Variants in ECE2 observed in about 807,000 individuals in gnomAD.
ECE2 encodes endothelin converting enzyme 2.
ECE2 carries 81 observed loss-of-function variants against 100.6 expected under a neutral mutation model. The ratio of observed to expected loss-of-function variants is 0.81; its 90% CI spans 0.67 to 0.97. ECE2 has a LOEUF of 0.97. Among genes scored for constraint, ECE2 ranks in the 50% least tolerant of loss-of-function variants. ECE2 has a pLI of 0.00. For missense variants in ECE2, 911 were observed against 988.1 expected (o/e 0.92, Z 1.05); for synonymous variants, 391 against 391.5 (o/e 1.00, Z 0.02).
At chr3:184,290,758 C>A in intron 15 of ECE2, 35 bp from the exon 16 acceptor site, 1 of 1,613,500 alleles carries the variant, frequency 6.2e-7, no homozygotes, top group South Asian at 1.1e-5. Context: ...GAAGTACCCC[C>A]GCCATGTCCT....
At chr3:184,287,353 C>G (rs1721103005) in intron 10 of ECE2, among the ~76,000 whole-genome samples, 1 of 151,276 alleles carries the variant, frequency 6.6e-6, no homozygotes, top group Non-Finnish European at 1.5e-5. Flanking sequence ...ATGGAGGAAG[C>G]TGAGTGACTC....
intron 1 of ECE2, 66 bp downstream of exon 1, chr3:184,276,258 C>A (rs1720542455): frequency 2.1e-6 from 3 of 1,432,644 alleles, no homozygotes; most frequent in Non-Finnish European, 2.7e-6. Context: ...GAGGGGTCGG[C>A]CGCGGAGGGG....
intron 11 of ECE2, among the ~76,000 whole-genome samples, chr3:184,288,354 G>T (rs1721163278): frequency 6.6e-6 from 1 of 151,354 alleles, no homozygotes; most frequent in African/African-American, 2.4e-5. Context: ...AAAACAACTG[G>T]ATGTAAATTG....
intron 3 of ECE2, 79 bp downstream of exon 3, chr3:184,277,106 T>C: frequency 6.2e-7 from 1 of 1,603,498 alleles, no homozygotes; most frequent in Non-Finnish European, 8.5e-7. Context: ...TTTTCACTTG[T>C]GGGAACCAAG....
rs1687233 is a variant in ECE2, at chr3:184,285,206, C to T, written c.1148+101C>T. ...CCACACAGAACAACATTTGGTAATG[C>T]TATGGGCCTTCCAAACATTGAATCA... is the stretch of plus-strand genomic sequence containing the variant. On this transcript the variant is annotated intron_variant, in intron 9 of 18. Coordinates refer to ENST00000404464, the MANE Select transcript of ECE2 (RefSeq NM_001100121.2). The T allele has an allele frequency of 2.8e-6, 4 of 1,450,712 alleles. No individual in the cohort carries two copies. The East Asian group carries it at 9.1e-5, about 33-fold the overall frequency. The allele number at this position is 1,450,712 out of a possible 1,614,324, so 89.9% of individuals were successfully genotyped here.
In ECE2 at chr3:184,289,589, G is replaced by C; in HGVS notation, c.1474-52G>C. The C allele has an allele frequency of 6.2e-7, 1 of 1,613,592 alleles. No homozygotes were observed. Among genetic ancestry groups the C allele is most frequent in the Non-Finnish European group, 8.5e-7 (1 of 1,179,506 alleles). On this transcript the variant is annotated intron_variant, in intron 12 of 18. Transcript: ENST00000404464. The surrounding 1 kb of genome is among the most constrained non-coding windows in gnomAD (Gnocchi z 4.1). Reference sequence around the variant, plus strand: ...TCTTGAGGTGGGGTTCAAGGATACAGTTTTGCTAGGAACCTGGGGAAGGAA... The same window carrying C: ...TCTTGAGGTGGGGTTCAAGGATACACTTTTGCTAGGAACCTGGGGAAGGAA...
rs745882263 is a variant in ECE2, at chr3:184,276,559, G to T, written c.118G>T (p.Ala40Ser). ...TPVEGGASPD[A>S]MEVGFQKGTR... ...CGTAGAGGGCGGGGCCTCCCCGGAC[G>T]CCATGGAGGTGGGCAAGGGGGCTTC... Residue 40 changes from alanine to serine, a missense_variant, in exon 2 of 19, where the codon GCC (alanine) becomes TCC (serine). Transcript: ENST00000404464. 1.2e-6 allele frequency: 2 copies of T among 1,610,098 alleles called. No individual in the cohort carries two copies. Among genetic ancestry groups the T allele is most frequent in the East Asian group, 4.5e-5 (2 of 44,774 alleles).
At position 184,289,910 on chromosome 3, in the gene ECE2, T is replaced by A. The variant is rs1346785866; in HGVS notation, c.1551+192T>A. On this transcript the variant is annotated intron_variant, in intron 13 of 18. Transcript: ENST00000404464. This position sits in a 1 kb window ranked among gnomAD's most constrained non-coding sequence, Gnocchi z 4.1. ...CAGGCCAAACAGCAGTGAAATATAG[T>A]GCTAACGAGCCAAGATTTGGAGTCA... Among the ~76,000 whole-genome samples the A allele has an allele frequency of 6.6e-6, 1 of 152,184 alleles. No homozygotes were observed. The highest frequency in any genetic ancestry group is 1.5e-5 in the Non-Finnish European group (1 of 68,030).
chr3:184,288,110 A>G (rs1027791113), intron 11 of ECE2, among the ~76,000 whole-genome samples, 163 bp downstream of exon 11: 1 of 152,092 alleles, frequency 6.6e-6, no homozygotes, highest in Non-Finnish European at 1.5e-5. Context: ...GGAGTTCGAG[A>G]CCAGCCTGGC....
rs540780093 is a variant in ECE2 at position 184,292,140 on chromosome 3, G to A, written c.2200G>A (p.Val734Met). Residue 734 changes from valine to methionine, a missense_variant, in exon 19 of 19, where the codon GTG becomes ATG. Physicochemically the swap from Val to Met is conservative, Grantham distance 21 (BLOSUM62 1). Coordinates refer to ENST00000404464, the MANE Select transcript of ECE2 (RefSeq NM_001100121.2). ...TDPHSPARFR[V>M]LGTLSNSRDF... ...CCCCCACAGCCCTGCCCGCTTCCGC[G>A]TGCTGGGCACTCTCTCCAACTCCCG... is the stretch of plus-strand genomic sequence containing the variant. 2.2e-4 allele frequency: 361 copies of A among 1,613,942 alleles called. No homozygotes were observed. The highest frequency in any genetic ancestry group is 3.3e-4 in the Middle Eastern group (2 of 6,084).
chr3:184,289,367 C>A lies in ECE2; in HGVS notation c.1375-70C>A. 2 of 1,451,700 alleles carry A rather than the reference C, an allele frequency of 1.4e-6. No homozygotes were observed. Among genetic ancestry groups the A allele is most frequent in the Non-Finnish European group, 9.5e-7 (1 of 1,057,608 alleles). The allele number at this position is 1,451,700 out of a possible 1,614,324, so 89.9% of individuals were successfully genotyped here. A position where few individuals can be genotyped will look rare whatever the true frequency, so the allele number is the denominator to read the frequency against. ...CCCTGGGTGGACAGGGATGGGGCAC[C>A]AAGGGTGGATGGGTGGGGCAGGGAT... On this transcript the variant is annotated intron_variant, in intron 11 of 18. Transcript: ENST00000404464. The surrounding 1 kb of genome is among the most constrained non-coding windows in gnomAD (Gnocchi z 4.1).
chr3:184,277,266 C>G lies in ECE2; in HGVS notation c.278C>G (p.Thr93Ser), dbSNP rs575011375. 1 of 1,614,260 alleles carries G rather than the reference C, an allele frequency of 6.2e-7. No homozygotes were observed. Among genetic ancestry groups the G allele is most frequent in the South Asian group, 1.1e-5 (1 of 91,086 alleles). Residue 93 changes from threonine (T) to serine (S), a missense_variant, in exon 4 of 19, where the codon ACC becomes AGC. By Grantham distance (58) the Thr-to-Ser change is moderately conservative. Coordinates refer to ENST00000404464, the MANE Select transcript of ECE2 (RefSeq NM_001100121.2). ...CCTACCACAGACCCATCCCACAGCACCTGCCTTACAGAGGCCTGCATTCGA... is the reference window on the plus strand; with the variant it reads ...CCTACCACAGACCCATCCCACAGCAGCTGCCTTACAGAGGCCTGCATTCGA... ...VQYHRDPSHS[T>S]CLTEACIRVA...
chr3:184,289,481 C>T lies in ECE2; in HGVS notation c.1419C>T (p.Ala473=), dbSNP rs775836937. 20 of 1,612,022 alleles carry T rather than the reference C, an allele frequency of 1.2e-5. No homozygotes were observed. Among genetic ancestry groups the T allele is most frequent in the Non-Finnish European group, 1.6e-5 (19 of 1,179,264 alleles). ...AAATCCGGACCGCATTTGAGGAGGC[C>T]CTGGGACAGCTGGTTTGGATGGATG... ...ISEIRTAFEE[A]LGQLVWMDEK... is the part of the protein sequence containing the mutation. Residue 473 remains alanine (A), a synonymous_variant, in exon 12 of 19, where the codon GCC becomes GCT. Coordinates refer to ENST00000404464, the MANE Select transcript of ECE2 (RefSeq NM_001100121.2). This position sits in a 1 kb window ranked among gnomAD's most constrained non-coding sequence, Gnocchi z 4.1.
At chr3:184,281,963 G>A (rs978845462) in intron 7 of ECE2, among the ~76,000 whole-genome samples, 1 of 152,234 alleles carries the variant, frequency 6.6e-6, no homozygotes, top group Non-Finnish European at 1.5e-5. Context: ...GCCATGCGTG[G>A]TGGCCCGCGC....
At chr3:184,276,622 G>A (rs1045477885) in intron 2 of ECE2, 55 bp downstream of exon 2, 1 of 1,586,410 alleles carries the variant, frequency 6.3e-7, no homozygotes, top group African/African-American at 1.3e-5. Flanking sequence ...CATGACGCCT[G>A]GCACACCCAG....
At chr3:184,286,361 C>A (rs999375486) in intron 10 of ECE2, among the ~76,000 whole-genome samples, 4 of 152,098 alleles carry the variant, frequency 2.6e-5, no homozygotes, top group African/African-American at 7.2e-5. Context: ...GGCCTTGATT[C>A]TTTCACAGAT....
At position 184,283,773 on chromosome 3, in the gene ECE2, G is replaced by C; in HGVS notation, c.817-12G>C. 1 of 1,612,176 alleles carries C rather than the reference G, an allele frequency of 6.2e-7. No homozygotes were observed. The highest frequency in any genetic ancestry group is 1.1e-5 in the South Asian group (1 of 90,866). ...TGTTGCTGGGCTCTGAGGATCACCC[G>C]GGCCTTGACAGGTGCTCACTGCCTA... On this transcript the variant is annotated splice_polypyrimidine_tract_variant and intron_variant, in intron 7 of 18. Coordinates refer to ENST00000404464, the MANE Select transcript of ECE2 (RefSeq NM_001100121.2).
rs183195628 is a variant in ECE2 at position 184,287,463 on chromosome 3, G to A, written c.1264-374G>A. Among the ~76,000 whole-genome samples, 817 of 152,162 alleles carry A rather than the reference G, an allele frequency of 5.4e-3. 6 individuals carry two copies. Among genetic ancestry groups the A allele is most frequent in the African/African-American group, 0.019 (781 of 41,516 alleles). On this transcript the variant is annotated intron_variant, in intron 10 of 18. Coordinates refer to ENST00000404464, the MANE Select transcript of ECE2 (RefSeq NM_001100121.2). ...TCCCAGCACTTTGGGAGGCCAAAGCGGGCAGATCACTTGAGCTCAGGAGTT... is the reference window on the plus strand; with the variant it reads ...TCCCAGCACTTTGGGAGGCCAAAGCAGGCAGATCACTTGAGCTCAGGAGTT...
At chr3:184,287,973 C>G in intron 11 of ECE2, 26 bp downstream of exon 11, 1 of 1,599,688 alleles carries the variant, frequency 6.3e-7, no homozygotes, top group Non-Finnish European at 8.6e-7. Context: ...TCTTTCAACA[C>G]TATGCCCTCA....
Sources: gnomAD v4.1 joint callset for allele counts (sites outside exome capture counted in the v4.1 genomes callset) on GRCh38, gnomAD v4.1.1 for gene constraint, Gnocchi (gnomAD v3.1) non-coding constraint, MANE v1.5 for transcripts, NCBI Gene and HGNC (gene_info 2026-07-23, HGNC 2026-07-21) for gene names.